DPY19L4: variants seen among roughly 807,000 people sequenced by gnomAD.
DPY19L4 encodes the protein dpy-19 like 4.
Under a neutral mutation model 102.8 loss-of-function variants are expected in DPY19L4, and 97 were observed. The observed-to-expected ratio is 0.94, with a 90% CI of 0.80 to 1.12. DPY19L4 has a LOEUF of 1.12. DPY19L4 is among the 50% of genes most tolerant of loss of function. DPY19L4 has a pLI of 0.00. For synonymous variants in DPY19L4, 252 were observed against 283.1 expected (o/e 0.89, Z 1.10); for missense variants, 815 against 850.4 (o/e 0.96, Z 0.52).
chr8:94,736,266 G>A (rs188201130), intron 3 of DPY19L4, among the ~76,000 whole-genome samples: 7 of 152,104 alleles, frequency 4.6e-5, no homozygotes, highest in African/African-American at 1.7e-4. Context: ...TTGGGTATTA[G>A]GTTTCACCAT....
intron 14 of DPY19L4, among the ~76,000 whole-genome samples, chr8:94,780,133 T>C (rs1813365227): frequency 6.6e-6 from 1 of 152,188 alleles, no homozygotes; most frequent in African/African-American, 2.4e-5. Context: ...GCCTTAAATT[T>C]TTATAGTAAA....
chr8:94,782,884 ACAG>A (rs1355478121), intron 16 of DPY19L4, among the ~76,000 whole-genome samples: 1 of 152,238 alleles, frequency 6.6e-6, no homozygotes, highest in East Asian at 1.9e-4. Context: ...ATGATTTACC[ACAG>A]TATTTTCAAA....
chr8:94,775,103 A>C (rs1479427187), intron 13 of DPY19L4, among the ~76,000 whole-genome samples: 3 of 152,144 alleles, frequency 2.0e-5, no homozygotes, highest in Non-Finnish European at 4.4e-5. Flanking sequence ...TTGTGAAAAA[A>C]CTATGCATGT....
At chr8:94,755,340 TATGCGGTGC>T (rs1160847932) in intron 6 of DPY19L4, among the ~76,000 whole-genome samples, 1 of 152,124 alleles carries the variant, frequency 6.6e-6, no homozygotes, top group East Asian at 1.9e-4. Flanking sequence ...TGCTGCTAAT[TATGCGGTGC>T]AGATTGTACA....
chr8:94,740,145 A>T (rs996616682), intron 6 of DPY19L4, among the ~76,000 whole-genome samples: 1 of 152,072 alleles, frequency 6.6e-6, no homozygotes. Context: ...CCTGATGAAA[A>T]CTGTAGCTCT....
rs2130769181 is a variant in DPY19L4 at position 94,719,918 on chromosome 8, G to A, written c.-81G>A. ...GGCGGCCAGGAGCGGGCCCCCGGAGGCCGAGGGGTTCGGCGACGCGGAGGG... is the reference window on the plus strand; with the variant it reads ...GGCGGCCAGGAGCGGGCCCCCGGAGACCGAGGGGTTCGGCGACGCGGAGGG... On this transcript the variant is annotated 5_prime_UTR_variant, in exon 1 of 19. Transcript: ENST00000414645. The A allele has an allele frequency of 7.0e-7, 1 of 1,427,154 alleles. No homozygotes were observed. The highest frequency in any genetic ancestry group is 9.2e-7 in the Non-Finnish European group (1 of 1,082,852). The allele number at this position is 1,427,154 out of a possible 1,614,324, so 88.4% of individuals were successfully genotyped here.
At chr8:94,720,119 G>T (rs1810391871) in intron 1 of DPY19L4, 105 bp downstream of exon 1, 1 of 1,394,116 alleles carries the variant, frequency 7.2e-7, no homozygotes, top group Non-Finnish European at 9.3e-7. Flanking sequence ...CCGCGGTCGC[G>T]GTGGCGGCCG....
intron 2 of DPY19L4, among the ~76,000 whole-genome samples, chr8:94,728,568 G>A (rs1212429217): frequency 6.6e-6 from 1 of 152,136 alleles, no homozygotes; most frequent in African/African-American, 2.4e-5. Flanking sequence ...TAAAAGCTGT[G>A]GGTAATCTAC....
chr8:94,772,101 G>T (rs1488055404), intron 13 of DPY19L4, among the ~76,000 whole-genome samples: 1 of 151,564 alleles, frequency 6.6e-6, no homozygotes, highest in African/African-American at 2.4e-5. Flanking sequence ...AACTTCCCTT[G>T]TTCCTGCTTC....
chr8:94,740,364 G>A (rs1377220236), intron 6 of DPY19L4, among the ~76,000 whole-genome samples: 1 of 152,108 alleles, frequency 6.6e-6, no homozygotes, highest in Non-Finnish European at 1.5e-5. Context: ...AGGTGAATGT[G>A]TGTGTGTATG....
At chr8:94,765,150 T>C in intron 8 of DPY19L4, 33 bp from the exon 9 acceptor site, 1 of 1,330,872 alleles carries the variant, frequency 7.5e-7, no homozygotes, top group South Asian at 1.3e-5. Context: ...AAAATATAAC[T>C]TATTCTCACT....
intron 2 of DPY19L4, among the ~76,000 whole-genome samples, chr8:94,729,946 A>G (rs1185447737): frequency 1.3e-5 from 2 of 152,152 alleles, no homozygotes; most frequent in African/African-American, 4.8e-5. Flanking sequence ...CTACAAAAAT[A>G]TATTTTCAGG....
rs1813838065 is a variant in DPY19L4 at position 94,790,263 on chromosome 8, C to T, written c.*353C>T. 2 of 157,286 alleles carry T rather than the reference C, an allele frequency of 1.3e-5. No individual in the cohort carries two copies. Among genetic ancestry groups the T allele is most frequent in the South Asian group, 4.1e-4 (2 of 4,858 alleles). The allele number at this position is 157,286 out of a possible 1,614,324, so 9.7% of individuals were successfully genotyped here. A position where few individuals can be genotyped will look rare whatever the true frequency, so the allele number is the denominator to read the frequency against. On this transcript the variant is annotated 3_prime_UTR_variant, in exon 19 of 19. Coordinates refer to ENST00000414645, the MANE Select transcript of DPY19L4 (RefSeq NM_181787.3). The stretch of plus-strand genomic sequence containing the variant: ...TGCAAGGTCAGATACATTTCTCAAA[C>T]ATAACATTTAATAAATAATGTGATA...
chr8:94,789,774 C>G lies in DPY19L4; in HGVS notation c.2036C>G (p.Thr679Ser). Residue 679 changes from threonine to serine, a missense_variant, in exon 19 of 19, where the codon ACC becomes AGC. Transcript: ENST00000414645. ...GTTTGTGAAGAAGGTGACAAGCTAA[C>G]CTACTCAAAATATGGGCGATTTTGT... ...HMVCEEGDKL[T>S]YSKYGRFCHE... 1.2e-6 allele frequency: 2 copies of G among 1,608,398 alleles called. No homozygotes were observed. The highest frequency in any genetic ancestry group is 1.7e-6 in the Non-Finnish European group (2 of 1,177,792).
At chr8:94,759,163 C>T (rs1369439095) in intron 7 of DPY19L4, among the ~76,000 whole-genome samples, 2 of 152,182 alleles carry the variant, frequency 1.3e-5, no homozygotes, top group Non-Finnish European at 2.9e-5. Context: ...AAAGCTTCCA[C>T]AGCATGGAAG....
intron 1 of DPY19L4, among the ~76,000 whole-genome samples, chr8:94,720,557 G>T (rs1222213262): frequency 6.6e-6 from 1 of 152,140 alleles, no homozygotes; most frequent in Non-Finnish European, 1.5e-5. Flanking sequence ...AGGTTCAGGG[G>T]AAAATGGTAA....
intron 3 of DPY19L4, among the ~76,000 whole-genome samples, chr8:94,738,128 C>CT (rs1811268623): frequency 6.6e-6 from 1 of 151,418 alleles, no homozygotes; most frequent in African/African-American, 2.4e-5. Context: ...ACCATCCTGA[C>CT]TAACACGGTG....
chr8:94,762,825 T>C (rs1812451857), intron 8 of DPY19L4, among the ~76,000 whole-genome samples: 1 of 151,914 alleles, frequency 6.6e-6, no homozygotes, highest in Non-Finnish European at 1.5e-5. Flanking sequence ...AGATCCCACC[T>C]CTAAAAAATT....
intron 6 of DPY19L4, chr8:94,744,367 T>A: frequency 2.2e-6 from 1 of 456,656 alleles, no homozygotes; most frequent in Non-Finnish European, 4.4e-6. Context: ...TGGCAGCTGG[T>A]CTCCCTTACA....
Sources: gnomAD v4.1 joint callset for allele counts (sites outside exome capture counted in the v4.1 genomes callset) on GRCh38, gnomAD v4.1.1 for gene constraint, MANE v1.5 for transcripts, NCBI Gene and HGNC (gene_info 2026-07-23, HGNC 2026-07-21) for gene names.